PAIP1: variants seen among roughly 807,000 people sequenced by gnomAD.
PAIP1 encodes poly(A) binding protein interacting protein 1.
A neutral mutation model predicts 61.3 loss-of-function variants in PAIP1; 16 were observed. The observed-to-expected ratio is 0.26, with a 90% CI of 0.18 to 0.40. The LOEUF (loss-of-function observed/expected upper bound fraction) is 0.40. PAIP1 is among the 10% of genes least tolerant of loss of function. The pLI, the probability that PAIP1 is intolerant of heterozygous loss-of-function variation, is 1.00. For missense variants in PAIP1, 416 were observed against 600.9 expected, an observed-to-expected ratio of 0.69 and a Z score of 3.22; for synonymous variants, 187 against 226.2, an observed-to-expected ratio of 0.83 and a Z score of 1.56.
Position 43,541,150 on chromosome 5 carries a change from G to A in PAIP1, c.734+1854C>T, listed in dbSNP as rs563655906. On this transcript the variant is annotated intron_variant, in intron 4 of 10. Coordinates refer to ENST00000306846, the MANE Select transcript of PAIP1 (RefSeq NM_006451.5). ...TCATTATTATTATTATTTTTGATAC[G>A]GAGTCTGGCTGTCACCCAGGCTGGA... Among the ~76,000 whole-genome samples the A allele has an allele frequency of 2.5e-3, 237 of 95,986 alleles. 1 individual carries two copies. Among genetic ancestry groups the A allele is most frequent in the African/African-American group, 8.8e-3 (222 of 25,164 alleles). 63.0% of individuals were successfully genotyped at this position (95,986 alleles called of 152,430 possible). A position where few individuals can be genotyped will look rare whatever the true frequency, so the allele number is the denominator to read the frequency against.
intron 5 of PAIP1, among the ~76,000 whole-genome samples, 182 bp downstream of exon 5, chr5:43,538,742 A>C (rs547472259): frequency 1.9e-4 from 29 of 152,322 alleles, no homozygotes; most frequent in African/African-American, 7.0e-4. Context: ...CCATGAGTAA[A>C]TGTTATGGAC....
chr5:43,534,895 T>C lies in PAIP1; in HGVS notation c.1155A>G (p.Thr385=). The C allele has an allele frequency of 6.2e-7, 1 of 1,604,080 alleles. No individual in the cohort carries two copies. The highest frequency in any genetic ancestry group is 8.5e-7 in the Non-Finnish European group (1 of 1,171,234). The change falls in exon 8 of 11, where the codon ACA becomes ACG. Residue 385 remains threonine (T), a synonymous_variant. Transcript: ENST00000306846. ...SNWGRVHATS[T]YREATPENDP... is the part of the protein sequence containing the mutation. ...CATTTTCTGGTGTTGCTTCTCTATA[T>C]GTTGAAGTTGCATGGACTCTGCCCC...
At chr5:43,547,439 C>T (rs9885189) in intron 3 of PAIP1, among the ~76,000 whole-genome samples, 73,768 of 151,904 alleles carry the variant, frequency 0.49, 18,743 homozygotes, top group Middle Eastern at 0.63. Context: ...TTTTCAGTGC[C>T]CATATCACCT....
Position 43,535,607 on chromosome 5 carries a change from C to G in PAIP1, c.1006G>C (p.Glu336Gln), listed in dbSNP as rs559313668. 3 of 1,604,916 alleles carry G rather than the reference C, an allele frequency of 1.9e-6. No individual in the cohort carries two copies. In the African/African-American group the frequency reaches 4.0e-5, roughly 21 times the overall value. Residue 336 changes from glutamate to glutamine, a missense_variant, in exon 7 of 11, where the codon GAA (glutamate) becomes CAA (glutamine). This residue lies in a region of PAIP1 where 135 missense variants were observed against 283.9 expected (regional missense o/e 0.48). Coordinates refer to ENST00000306846, the MANE Select transcript of PAIP1 (RefSeq NM_006451.5). Reference sequence around the variant, plus strand: ...TCTTCCATATCCATCTTTCCTTTTTCCTTCCAAGCATCTTCCAAAACTGAT... The same window carrying G: ...TCTTCCATATCCATCTTTCCTTTTTGCTTCCAAGCATCTTCCAAAACTGAT... ...TGSVLEDAWK[E>Q]KGKMDMEEII... is the part of the protein sequence containing the mutation.
chr5:43,536,165 T>C (rs1747145747), intron 6 of PAIP1, among the ~76,000 whole-genome samples: 2 of 152,298 alleles, frequency 1.3e-5, no homozygotes, highest in South Asian at 2.1e-4. Flanking sequence ...TAGGAAGAGA[T>C]GTACTCATTC....
At position 43,541,738 on chromosome 5, in the gene PAIP1, A is replaced by C. The variant is rs193176690; in HGVS notation, c.734+1266T>G. On this transcript the variant is annotated intron_variant, in intron 4 of 10. Coordinates refer to ENST00000306846, the MANE Select transcript of PAIP1 (RefSeq NM_006451.5). ...AAACTTGAAGATAACCTTGTTACTG[A>C]AGACATCAAATTATAAGAAAACTAG... is the stretch of plus-strand genomic sequence containing the variant. Among the ~76,000 whole-genome samples the C allele has an allele frequency of 1.5e-3, 132 of 89,332 alleles. 1 individual carries two copies. Among genetic ancestry groups the C allele is most frequent in the Admixed American group, 4.7e-3 (47 of 9,948 alleles). 58.6% of individuals were successfully genotyped at this position (89,332 alleles called of 152,430 possible). A position where few individuals can be genotyped will look rare whatever the true frequency, so the allele number is the denominator to read the frequency against.
intron 10 of PAIP1, among the ~76,000 whole-genome samples, chr5:43,528,610 T>G (rs997625630): frequency 2.6e-5 from 4 of 152,182 alleles, no homozygotes; most frequent in Admixed American, 1.3e-4. Flanking sequence ...ATTTTTTTTG[T>G]TTTCTATTAA....
chr5:43,533,891 A>G (rs1747043539), intron 8 of PAIP1, 99 bp from the exon 9 acceptor site: 1 of 726,998 alleles, frequency 1.4e-6, no homozygotes, highest in African/African-American at 1.8e-5. Context: ...TCTGCACCTA[A>G]TAATGCAAGA....
intron 5 of PAIP1, 111 bp downstream of exon 5, chr5:43,538,813 T>C: frequency 1.5e-6 from 1 of 657,298 alleles, no homozygotes; most frequent in South Asian, 1.9e-5. Flanking sequence ...TTCCTCTCTC[T>C]TTCATTTCAC....
chr5:43,551,719 T>C (rs187113324), intron 2 of PAIP1, among the ~76,000 whole-genome samples: 11 of 151,114 alleles, frequency 7.3e-5, no homozygotes, highest in African/African-American at 2.2e-4. Flanking sequence ...GTGGCAAAAA[T>C]GCTGCTTAGA....
intron 4 of PAIP1, among the ~76,000 whole-genome samples, chr5:43,542,469 GGTT>G (rs1304655551): frequency 6.6e-6 from 1 of 151,144 alleles, no homozygotes; most frequent in Non-Finnish European, 1.5e-5. Context: ...GGGAGGCAGA[GGTT>G]GCAGTGAGCC....
rs1384131431 is a variant in PAIP1, at chr5:43,547,790, G to A, written c.559C>T (p.Leu187=). The change falls in exon 3 of 11, where the codon CTG becomes TTG. Residue 187 remains leucine (L), a synonymous_variant. Coordinates refer to ENST00000306846, the MANE Select transcript of PAIP1 (RefSeq NM_006451.5). ...TCATCTGTTGTAACACAACCATTCA[G>A]GGTCTCTGCAAACTGTTCAATTTCA... is the stretch of plus-strand genomic sequence containing the variant. The part of the protein sequence containing the change: ...ETEIEQFAET[L]NGCVTTDDAL... 2.5e-6 allele frequency: 4 copies of A among 1,611,932 alleles called. No homozygotes were observed. In the East Asian group the frequency reaches 8.9e-5, roughly 36 times the overall value.
chr5:43,527,895 A>G (rs1746769939), intron 10 of PAIP1, among the ~76,000 whole-genome samples: 4 of 152,218 alleles, frequency 2.6e-5, no homozygotes, highest in Admixed American at 2.6e-4. Context: ...TGTCTACTTA[A>G]TAACAGAAAG....
rs1746730445 is a variant in PAIP1 at position 43,526,848 on chromosome 5, T to C, written c.*528A>G. 6.6e-6 allele frequency: 1 copy of C among 152,060 alleles called. No homozygotes were observed. Among genetic ancestry groups the C allele is most frequent in the Non-Finnish European group, 1.5e-5 (1 of 67,942 alleles). 9.4% of individuals were successfully genotyped at this position (152,060 alleles called of 1,614,324 possible). ...CATTTAAAAAGCCCTTGGTATCAAA[T>C]AGCATCTGCATATGTAAATCAGTTG... On this transcript the variant is annotated 3_prime_UTR_variant, in exon 11 of 11. Coordinates refer to ENST00000306846, the MANE Select transcript of PAIP1 (RefSeq NM_006451.5).
chr5:43,556,305 T>C, intron 1 of PAIP1: 5 of 1,242,056 alleles, frequency 4.0e-6, no homozygotes, highest in South Asian at 3.7e-5. Flanking sequence ...TTTAGAGGGC[T>C]GCTGAGGGGA....
intron 5 of PAIP1, among the ~76,000 whole-genome samples, chr5:43,537,407 A>G (rs1334600182): frequency 6.6e-6 from 1 of 152,172 alleles, no homozygotes; most frequent in Non-Finnish European, 1.5e-5. Flanking sequence ...CATATAGAAA[A>G]TGCTCAACAG....
At chr5:43,552,595 GGAGAA>G (rs1340335459) in intron 2 of PAIP1, among the ~76,000 whole-genome samples, 2 of 152,130 alleles carry the variant, frequency 1.3e-5, no homozygotes, top group African/African-American at 4.8e-5. Context: ...AAGAGGTAGG[GGAGAA>G]GAGATGCTCA....
At position 43,529,800 on chromosome 5, in the gene PAIP1, G is replaced by A. The variant is rs369553234; in HGVS notation, c.1332C>T (p.Ser444=). ...AGAAAACTTACGGATCACCAGCCCCGGATAAATCTGTTCCATTTTCTTCAT... is the reference window on the plus strand; with the variant it reads ...AGAAAACTTACGGATCACCAGCCCCAGATAAATCTGTTCCATTTTCTTCAT... ...PDYEENGTDL[S]GAGDPYLDDI... is the part of the protein sequence containing the mutation. Residue 444 remains serine, a synonymous_variant, in exon 10 of 11, where the codon TCC becomes TCT. Transcript: ENST00000306846. The A allele has an allele frequency of 5.4e-5, 84 of 1,551,108 alleles. No individual in the cohort carries two copies. Among genetic ancestry groups the A allele is most frequent in the African/African-American group, 3.3e-4 (24 of 73,582 alleles).
intron 10 of PAIP1, 75 bp from the exon 11 acceptor site, chr5:43,527,544 T>A: frequency 7.5e-7 from 1 of 1,330,932 alleles, no homozygotes; most frequent in Non-Finnish European, 1.0e-6. Flanking sequence ...ATGAAAAAAA[T>A]AATGTAATAC....
Sources: allele counts gnomAD v4.1 joint callset (sites outside exome capture counted in the v4.1 genomes callset), GRCh38; gene constraint gnomAD v4.1.1; regional missense constraint gnomAD v4.1.1; transcripts MANE v1.5; gene names NCBI Gene and HGNC (gene_info 2026-07-23, HGNC 2026-07-21).